MAF: variants seen among roughly 807,000 people sequenced by gnomAD.
MAF encodes the protein transcription factor Maf.
In MAF, 10 loss-of-function variants were observed where a neutral mutation model predicts 22.0. The ratio of observed to expected loss-of-function variants is 0.45; its 90% CI spans 0.28 to 0.77. MAF has a LOEUF of 0.77. Among genes scored for constraint, MAF ranks in the 30% least tolerant of loss-of-function variants. The pLI, the probability that MAF is intolerant of heterozygous loss-of-function variation, is 0.12. For synonymous variants in MAF, 337 were observed against 255.8 expected (o/e 1.32, Z -3.03); for missense variants, 544 against 548.4 (o/e 0.99, Z 0.08).
At chr16:79,266,169 C>T in the MAF span, among the ~76,000 whole-genome samples, 8 of 152,228 alleles carry the variant, frequency 5.3e-5, no homozygotes, top group East Asian at 3.9e-4. Flanking sequence ...CCACCACAGC[C>T]GGCCAGAATT....
At chr16:79,247,180 G>C in the MAF span, among the ~76,000 whole-genome samples, 1 of 152,208 alleles carries the variant, frequency 6.6e-6, no homozygotes, top group Admixed American at 6.5e-5. Flanking sequence ...AGTCCTGCCT[G>C]GTGAGCAAAT....
the MAF span, among the ~76,000 whole-genome samples, chr16:79,477,112 G>A: frequency 6.6e-6 from 1 of 152,152 alleles, no homozygotes; most frequent in Non-Finnish European, 1.5e-5. Context: ...GCAAAGCAAT[G>A]GTTGAAAGGA....
chr16:79,233,503 A>G, the MAF span, among the ~76,000 whole-genome samples: 2 of 152,022 alleles, frequency 1.3e-5, no homozygotes, highest in South Asian at 2.1e-4. Flanking sequence ...AATAATCAAG[A>G]CACAAGATGC....
At chr16:79,352,868 A>G in the MAF span, among the ~76,000 whole-genome samples, 1 of 152,228 alleles carries the variant, frequency 6.6e-6, no homozygotes, top group Non-Finnish European at 1.5e-5. Flanking sequence ...GCAGGGAGGT[A>G]TTAAATTACC....
chr16:79,558,487 G>A, the MAF span, among the ~76,000 whole-genome samples: 2 of 152,148 alleles, frequency 1.3e-5, no homozygotes, highest in African/African-American at 2.4e-5. Flanking sequence ...AAATTAAAAA[G>A]CAATATTGGC....
chr16:79,271,643 G>A, the MAF span, among the ~76,000 whole-genome samples: 36 of 152,254 alleles, frequency 2.4e-4, no homozygotes, highest in African/African-American at 7.9e-4. Flanking sequence ...AATAAAGACT[G>A]TTGATATTGA....
the MAF span, among the ~76,000 whole-genome samples, chr16:79,557,867 G>A: frequency 2.0e-5 from 3 of 151,720 alleles, no homozygotes; most frequent in Non-Finnish European, 4.4e-5. Flanking sequence ...GGGTGCTAAA[G>A]GTCCTTAAAT....
the MAF span, among the ~76,000 whole-genome samples, chr16:79,514,112 TCA>T: frequency 1.8e-4 from 27 of 152,338 alleles, no homozygotes; most frequent in African/African-American, 6.3e-4. Context: ...TTCAGATAAA[TCA>T]CAGTCAAGCT....
chr16:79,549,795 C>G, the MAF span, among the ~76,000 whole-genome samples: 1 of 152,156 alleles, frequency 6.6e-6, no homozygotes, highest in African/African-American at 2.4e-5. Flanking sequence ...AGACCATCAC[C>G]CTACAGATTG....
At chr16:79,379,944 G>A in the MAF span, among the ~76,000 whole-genome samples, 3 of 152,134 alleles carry the variant, frequency 2.0e-5, no homozygotes, top group Non-Finnish European at 4.4e-5. Flanking sequence ...CCATAATGGA[G>A]CAGTTCACAA....
At chr16:79,522,801 A>C in the MAF span, among the ~76,000 whole-genome samples, 2 of 152,174 alleles carry the variant, frequency 1.3e-5, no homozygotes, top group Non-Finnish European at 2.9e-5. Context: ...TGTTTTAAGG[A>C]TTAAACATTT....
At chr16:79,393,812 G>A in the MAF span, among the ~76,000 whole-genome samples, 58 of 152,304 alleles carry the variant, frequency 3.8e-4, 1 homozygote, top group African/African-American at 1.3e-3. Context: ...TTACGGAGGA[G>A]CTGATGAATG....
At chr16:79,369,790 G>C in the MAF span, among the ~76,000 whole-genome samples, 1 of 152,246 alleles carries the variant, frequency 6.6e-6, no homozygotes. Flanking sequence ...GGCATGCAGT[G>C]GCATTCTGGC....
At chr16:79,309,355 T>G in the MAF span, among the ~76,000 whole-genome samples, 1 of 152,290 alleles carries the variant, frequency 6.6e-6, no homozygotes, top group East Asian at 1.9e-4. Context: ...TTTTGTCGGG[T>G]TTGCAGTTCT....
chr16:79,311,018 ATT>A, the MAF span, among the ~76,000 whole-genome samples: 8,239 of 133,648 alleles, frequency 0.062, 504 homozygotes, highest in East Asian at 0.23. Context: ...CTGCTTTTTC[ATT>A]TTTTTTTTTT....
chr16:79,499,959 G>T, the MAF span, among the ~76,000 whole-genome samples: 2 of 152,252 alleles, frequency 1.3e-5, no homozygotes, highest in African/African-American at 4.8e-5. Context: ...ATCTATTATT[G>T]TAAGAAAGAG....
At chr16:79,509,662 C>T in the MAF span, among the ~76,000 whole-genome samples, 1 of 152,226 alleles carries the variant, frequency 6.6e-6, no homozygotes, top group Non-Finnish European at 1.5e-5. Context: ...TTGGCCTGAG[C>T]GTGTAATTCA....
chr16:79,388,369 T>G, the MAF span, among the ~76,000 whole-genome samples: 4 of 151,802 alleles, frequency 2.6e-5, no homozygotes, highest in South Asian at 8.4e-4. Flanking sequence ...ATGTCTGCTC[T>G]TAGATGGATT....
At chr16:79,564,193 C>T in the MAF span, among the ~76,000 whole-genome samples, 1 of 152,232 alleles carries the variant, frequency 6.6e-6, no homozygotes, top group Non-Finnish European at 1.5e-5. Context: ...CAGCGTTCCT[C>T]CTCTTTACCT....
Sources: allele counts gnomAD v4.1 joint callset (sites outside exome capture counted in the v4.1 genomes callset), GRCh38; gene constraint gnomAD v4.1.1; transcripts MANE v1.5; gene names NCBI Gene and HGNC (gene_info 2026-07-23, HGNC 2026-07-21).